Variants in MICOS10 observed in about 807,000 individuals in gnomAD.
The protein encoded by MICOS10 is mitochondrial contact site and cristae organizing system subunit 10, also known as MICOS complex subunit MIC10.
In MICOS10, 5 loss-of-function variants were observed where a neutral mutation model predicts 13.4. The ratio of observed to expected loss-of-function variants is 0.37; its 90% CI spans 0.20 to 0.78. The LOEUF (loss-of-function observed/expected upper bound fraction) is 0.78, where lower values mean the gene tolerates loss of function less well. Ranked by LOEUF, MICOS10 falls within the 30% of genes least tolerant of loss-of-function variation. The pLI, the probability that MICOS10 is intolerant of heterozygous loss-of-function variation, is 0.47. For missense variants in MICOS10, 101 were observed against 94.6 expected, an observed-to-expected ratio of 1.07 and a Z score of -0.28; for synonymous variants, 35 against 33.6, an observed-to-expected ratio of 1.04 and a Z score of -0.15.
chr1:19,614,637 A>G (rs1308977664), intron 1 of MICOS10: 2 of 152,304 alleles, frequency 1.3e-5, no homozygotes, highest in Non-Finnish European at 2.9e-5. Context: ...CTCTTAATCA[A>G]TTGTTAAGTC....
intron 1 of MICOS10, among the ~76,000 whole-genome samples, chr1:19,598,579 C>A (rs1227861335): frequency 1.3e-5 from 2 of 150,030 alleles, no homozygotes; most frequent in African/African-American, 4.9e-5. Context: ...GAGTTGGAGA[C>A]CAGCCTGGGA....
chr1:19,617,167 T>C (rs953965256), intron 1 of MICOS10: 2 of 548,872 alleles, frequency 3.6e-6, no homozygotes, highest in Non-Finnish European at 4.6e-6. Flanking sequence ...TTGGCTTTTC[T>C]TGAAGCAGAG....
chr1:19,607,266 T>G (rs1023437956), intron 1 of MICOS10, among the ~76,000 whole-genome samples: 2 of 152,252 alleles, frequency 1.3e-5, no homozygotes, highest in Non-Finnish European at 2.9e-5. Flanking sequence ...CCTTCTAGAT[T>G]CTGTTAGTAT....
At chr1:19,614,412 TTTCACACACACACA>T (rs1462600494) in intron 1 of MICOS10, 2 of 150,862 alleles carry the variant, frequency 1.3e-5, no homozygotes, top group South Asian at 2.1e-4. Context: ...ACACACACAC[TTTCACACACACACA>T]TTCACTCTCC....
intron 1 of MICOS10, 112 bp downstream of exon 1, chr1:19,597,221 T>A: frequency 1.7e-6 from 2 of 1,173,124 alleles, no homozygotes; most frequent in Non-Finnish European, 2.4e-6. Flanking sequence ...CCTCTCGGCC[T>A]TTTCCGGCCC....
At chr1:19,609,896 G>A (rs890479504) in intron 1 of MICOS10, among the ~76,000 whole-genome samples, 1 of 152,222 alleles carries the variant, frequency 6.6e-6, no homozygotes, top group Non-Finnish European at 1.5e-5. Context: ...TGTAATCCCA[G>A]CACTTTGGGT....
In MICOS10 at chr1:19,608,123, G is replaced by A. The variant is rs113009700; in HGVS notation, c.64+11014G>A. ...GAGACGACGTGCAGAAATGGCACCT[G>A]GAAAGGGGAAGGAAAAGAAGGAAGA... On this transcript the variant is annotated intron_variant, in intron 1 of 3. Transcript: ENST00000322753. 17 of 1,116,498 alleles carry A rather than the reference G, an allele frequency of 1.5e-5. No homozygotes were observed. In the East Asian group the frequency reaches 3.7e-4, roughly 25 times the overall value. 69.2% of individuals were successfully genotyped at this position (1,116,498 alleles called of 1,614,324 possible).
intron 3 of MICOS10, chr1:19,625,682 A>G: frequency 7.9e-7 from 1 of 1,260,304 alleles, no homozygotes; most frequent in Non-Finnish European, 1.0e-6. Flanking sequence ...TGTCAGGGAT[A>G]ATGGCTCAGG....
intron 1 of MICOS10, among the ~76,000 whole-genome samples, chr1:19,612,750 C>G (rs1477783024): frequency 6.6e-6 from 1 of 152,126 alleles, no homozygotes; most frequent in Non-Finnish European, 1.5e-5. Context: ...GCTTCCTGGC[C>G]TTACTGTCCT....
chr1:19,612,484 A>G (rs1023596165), intron 1 of MICOS10, among the ~76,000 whole-genome samples: 2 of 151,276 alleles, frequency 1.3e-5, no homozygotes, highest in African/African-American at 4.9e-5. Context: ...GCACTTTGGG[A>G]GGCTGAGGCA....
intron 3 of MICOS10, chr1:19,625,743 A>G (rs1281527286): frequency 2.7e-6 from 3 of 1,109,974 alleles, no homozygotes; most frequent in Non-Finnish European, 3.5e-6. Context: ...CCTGTGGAAA[A>G]TATTGTTCCA....
At chr1:19,616,114 CCACGTTGGCCAGG>C (rs2100303568) in intron 1 of MICOS10, among the ~76,000 whole-genome samples, 1 of 152,186 alleles carries the variant, frequency 6.6e-6, no homozygotes, top group South Asian at 2.1e-4. Flanking sequence ...ATGGGGTTCA[CCACGTTGGCCAGG>C]CTGGTCTCGA....
intron 1 of MICOS10, chr1:19,617,441 T>G: frequency 2.9e-6 from 1 of 349,740 alleles, no homozygotes; most frequent in Non-Finnish European, 4.0e-6. Flanking sequence ...TCACCATCTC[T>G]GGGTCCTTGG....
chr1:19,623,605 C>A, intron 3 of MICOS10, 22 bp downstream of exon 3: 2 of 1,505,922 alleles, frequency 1.3e-6, no homozygotes, highest in Non-Finnish European at 1.8e-6. Flanking sequence ...ATATATATTT[C>A]TCTTTCCTTC....
intron 1 of MICOS10, among the ~76,000 whole-genome samples, chr1:19,597,605 A>G (rs1480244008): frequency 6.6e-6 from 1 of 152,112 alleles, no homozygotes; most frequent in Non-Finnish European, 1.5e-5. Context: ...TTGCCACCTG[A>G]TTTATTTGAA....
intron 1 of MICOS10, among the ~76,000 whole-genome samples, chr1:19,619,650 A>G (rs2094896400): frequency 6.6e-6 from 1 of 152,248 alleles, no homozygotes; most frequent in South Asian, 2.1e-4. Flanking sequence ...TTAAAATATC[A>G]TCCGATGAAA....
At chr1:19,621,001 A>G (rs1416656496) in intron 1 of MICOS10, among the ~76,000 whole-genome samples, 1 of 152,244 alleles carries the variant, frequency 6.6e-6, no homozygotes, top group African/African-American at 2.4e-5. Context: ...TTACTGGCTT[A>G]TCTCCCCATT....
chr1:19,596,995 T>TCGGAGCGCGGGGGC lies in MICOS10; in HGVS notation c.-47_-34dup. Reference sequence around the variant, plus strand: ...CCAGCTCTCGCGAGACTTTCAGGGGTCGGAGCGCGGGGGCCGGCCGAGAGG... The same window carrying TCGGAGCGCGGGGGC: ...CCAGCTCTCGCGAGACTTTCAGGGGTCGGAGCGCGGGGGCCGGAGCGCGGGGGCCGGCCGAGAGG... On this transcript the variant is annotated 5_prime_UTR_variant, in exon 1 of 4. Transcript: ENST00000322753. 6.5e-7 allele frequency: 1 copy of TCGGAGCGCGGGGGC among 1,545,174 alleles called. No individual in the cohort carries two copies. Among genetic ancestry groups the TCGGAGCGCGGGGGC allele is most frequent in the East Asian group, 2.6e-5 (1 of 38,452 alleles).
intron 1 of MICOS10, among the ~76,000 whole-genome samples, chr1:19,611,832 C>G (rs932407347): frequency 6.6e-6 from 1 of 151,184 alleles, no homozygotes; most frequent in African/African-American, 2.4e-5. Context: ...ATTAGCTGGG[C>G]GTGGTGGCAT....
Sources: gnomAD v4.1 joint callset for allele counts (sites outside exome capture counted in the v4.1 genomes callset) on GRCh38, gnomAD v4.1.1 for gene constraint, MANE v1.5 for transcripts, NCBI Gene and HGNC (gene_info 2026-07-23, HGNC 2026-07-21) for gene names.